The following LPAR2 variants were observed in gnomAD, a reference collection of about 807,000 sequenced individuals.
LPAR2 encodes G protein-coupled receptor.
LPAR2 carries 10 observed loss-of-function variants against 15.6 expected under a neutral mutation model. The ratio of observed to expected loss-of-function variants is 0.64; its 90% CI spans 0.39 to 1.09. The LOEUF (loss-of-function observed/expected upper bound fraction) is 1.09, where lower values mean the gene tolerates loss of function less well. Among genes scored for constraint, LPAR2 ranks in the 50% least tolerant of loss-of-function variants. The pLI is 0.01. For synonymous variants in LPAR2, 204 were observed against 207.4 expected (o/e 0.98, Z 0.14); for missense variants, 413 against 484.6 (o/e 0.85, Z 1.39).
Position 19,624,417 on chromosome 19 carries a change from C to G in LPAR2, c.895G>C (p.Asp299His). The G allele has an allele frequency of 6.2e-7, 1 of 1,614,198 alleles. No individual in the cohort carries two copies. Among genetic ancestry groups the G allele is most frequent in the Non-Finnish European group, 8.5e-7 (1 of 1,180,048 alleles). Reference sequence around the variant, plus strand: ...CGGAAGGTGCGGCGCATCTCAGCATCTCGGCAAGAGTACACAGCAGCATTG... The same window carrying G: ...CGGAAGGTGCGGCGCATCTCAGCATGTCGGCAAGAGTACACAGCAGCATTG... The change falls in exon 3 of 3, where the codon GAT becomes CAT. Residue 299 changes from aspartate to histidine, a missense_variant. Coordinates refer to ENST00000407877, the MANE Select transcript of LPAR2 (RefSeq NM_004720.7).
At chr19:19,625,653 C>T (rs1199649922) in intron 2 of LPAR2, among the ~76,000 whole-genome samples, 5 of 150,706 alleles carry the variant, frequency 3.3e-5, no homozygotes, top group African/African-American at 7.3e-5. Context: ...CATAGTGGCA[C>T]GCACCTGTAG....
At position 19,627,616 on chromosome 19, in the gene LPAR2, T is replaced by C. The variant is rs544768370; in HGVS notation, c.1-332A>G. On this transcript the variant is annotated intron_variant, in intron 1 of 2. Transcript: ENST00000407877. This position sits in a 1 kb window ranked among gnomAD's most constrained non-coding sequence, Gnocchi z 4.7. ...CCGCCAATGTGTGACCCGGTTTGGG[T>C]TGTGGGGAGAGGAGGGTTAGGGAAA... 4.2e-5 allele frequency: 14 copies of C among 336,898 alleles called. No homozygotes were observed. Among genetic ancestry groups the C allele is most frequent in the African/African-American group, 1.9e-4 (9 of 46,820 alleles). 20.9% of individuals were successfully genotyped at this position (336,898 alleles called of 1,614,324 possible).
rs2061744987 is a variant in LPAR2 at position 19,627,065 on chromosome 19, G to A, written c.220C>T (p.Leu74=). 6.2e-7 allele frequency: 1 copy of A among 1,613,594 alleles called. No individual in the cohort carries two copies. Among genetic ancestry groups the A allele is most frequent in the Non-Finnish European group, 8.5e-7 (1 of 1,179,956 alleles). Residue 74 remains leucine (L), a synonymous_variant, in exon 2 of 3, where the codon CTG becomes TTG. Transcript: ENST00000407877. This position sits in a 1 kb window ranked among gnomAD's most constrained non-coding sequence, Gnocchi z 4.7. ...CCCGCGAAGAGGTCAGCCGCGGCCA[G>A]ATTGCCGAGCAGGTAGTAGATGGGC...
At position 19,626,728 on chromosome 19, in the gene LPAR2, CTGAGCAGGGGTGCCATGCG is replaced by C. The variant is rs1337034300; in HGVS notation, c.538_556del (p.Arg180AlafsTer81). On this transcript the variant is annotated frameshift_variant, in exon 2 of 3. Coordinates refer to ENST00000407877, the MANE Select transcript of LPAR2 (RefSeq NM_004720.7). LOFTEE classifies it high-confidence loss of function. This position sits in a 1 kb window ranked among gnomAD's most constrained non-coding sequence, Gnocchi z 5.3. ...AGCCCAGACGGCCAAATAGGAGCGGCTGAGCAGGGGTGCCATGCGTGAGCAGCGGTCCAGGGCACAGAGG... is the reference window on the plus strand; with the variant it reads ...AGCCCAGACGGCCAAATAGGAGCGGCTGAGCAGCGGTCCAGGGCACAGAGG... 1 of 1,613,530 alleles carries C rather than the reference CTGAGCAGGGGTGCCATGCG, an allele frequency of 6.2e-7. No homozygotes were observed. The highest frequency in any genetic ancestry group is 1.7e-5 in the Admixed American group (1 of 60,024).
Position 19,626,764 on chromosome 19 carries a change from G to A in LPAR2, c.521C>T (p.Ala174Val), listed in dbSNP as rs1301816596. The change falls in exon 2 of 3, where the codon GCC (alanine) becomes GTC (valine). Residue 174 changes from alanine (A) to valine (V), a missense_variant. Coordinates refer to ENST00000407877, the MANE Select transcript of LPAR2 (RefSeq NM_004720.7). The surrounding 1 kb of genome is among the most constrained non-coding windows in gnomAD (Gnocchi z 5.3). ...TGCCATGCGTGAGCAGCGGTCCAGGGCACAGAGGCAGTGCCAGGAGTGGGC... is the reference window on the plus strand; with the variant it reads ...TGCCATGCGTGAGCAGCGGTCCAGGACACAGAGGCAGTGCCAGGAGTGGGC... 1.2e-6 allele frequency: 2 copies of A among 1,610,940 alleles called. No homozygotes were observed.
rs1157932209 is a variant in LPAR2, at chr19:19,627,648, G to A, written c.1-364C>T. 1 of 294,882 alleles carries A rather than the reference G, an allele frequency of 3.4e-6. No homozygotes were observed. The highest frequency in any genetic ancestry group is 6.6e-6 in the Non-Finnish European group (1 of 151,902). 18.3% of individuals were successfully genotyped at this position (294,882 alleles called of 1,614,324 possible). On this transcript the variant is annotated intron_variant, in intron 1 of 2. Coordinates refer to ENST00000407877, the MANE Select transcript of LPAR2 (RefSeq NM_004720.7). This position sits in a 1 kb window ranked among gnomAD's most constrained non-coding sequence, Gnocchi z 4.7. ...GAGAGGAGGGTTAGGGAAAGACAAA[G>A]GGGTGTGAGCTGCGGGAAGAGATGA...
intron 2 of LPAR2, among the ~76,000 whole-genome samples, chr19:19,624,851 G>A (rs1327302455): frequency 6.7e-6 from 1 of 150,268 alleles, no homozygotes; most frequent in Non-Finnish European, 1.5e-5. Context: ...GTCTCGCTCT[G>A]TCGCCAGGCT....
chr19:19,624,846 G>A (rs1306100285), intron 2 of LPAR2, among the ~76,000 whole-genome samples: 6 of 145,690 alleles, frequency 4.1e-5, no homozygotes, highest in East Asian at 2.2e-4. Context: ...ATGGAGTCTC[G>A]CTCTGTCGCC....
intron 2 of LPAR2, among the ~76,000 whole-genome samples, chr19:19,624,892 C>T (rs2061732571): frequency 6.6e-6 from 1 of 151,718 alleles, no homozygotes; most frequent in East Asian, 1.9e-4. Flanking sequence ...TGGCTTGCTG[C>T]AACCTCTGCC....
chr19:19,624,395 A>G lies in LPAR2; in HGVS notation c.917T>C (p.Phe306Ser). 6.2e-7 allele frequency: 1 copy of G among 1,614,188 alleles called. No homozygotes were observed. The highest frequency in any genetic ancestry group is 8.5e-7 in the Non-Finnish European group (1 of 1,180,034). Reference sequence around the variant, plus strand: ...GCACGCGCAGCAGAGAAGGCGGCGGAAGGTGCGGCGCATCTCAGCATCTCG... The same window carrying G: ...GCACGCGCAGCAGAGAAGGCGGCGGGAGGTGCGGCGCATCTCAGCATCTCG... The change falls in exon 3 of 3, where the codon TTC becomes TCC. Residue 306 changes from phenylalanine to serine, a missense_variant. Transcript: ENST00000407877.
Position 19,624,514 on chromosome 19 carries a change from TA to T in LPAR2, c.797del (p.Leu266Ter), listed in dbSNP as rs758694432. The T allele has an allele frequency of 5.0e-6, 8 of 1,613,784 alleles. No homozygotes were observed. Among genetic ancestry groups the T allele is most frequent in the Middle Eastern group, 1.7e-4 (1 of 6,058 alleles). On this transcript the variant is annotated frameshift_variant, in exon 3 of 3. Transcript: ENST00000407877. LOFTEE classifies it low-confidence loss of function (END_TRUNC). ...CCAGGACATTGCAGGACTCACAGCCTAAACCATCCAGGAGCAGTACCACCTG... is the reference window on the plus strand; with the variant it reads ...CCAGGACATTGCAGGACTCACAGCCTAACCATCCAGGAGCAGTACCACCTG...
In LPAR2 at chr19:19,627,695, G is replaced by A. The variant is rs1599394799; in HGVS notation, c.-1+397C>T. On this transcript the variant is annotated intron_variant, in intron 1 of 2. Transcript: ENST00000407877. This position sits in a 1 kb window ranked among gnomAD's most constrained non-coding sequence, Gnocchi z 4.7. ...ATGAGGGAGGATCACTTTGGTGCCG[G>A]AGTCAGTGTAGGGAGCAGAGACCCG... 3 of 240,338 alleles carry A rather than the reference G, an allele frequency of 1.2e-5. No individual in the cohort carries two copies. Among genetic ancestry groups the A allele is most frequent in the African/African-American group, 2.3e-5 (1 of 44,038 alleles). 14.9% of individuals were successfully genotyped at this position (240,338 alleles called of 1,614,324 possible).
chr19:19,624,419 C>T lies in LPAR2; in HGVS notation c.893G>A (p.Arg298Gln), dbSNP rs199802494. 278 of 1,614,158 alleles carry T rather than the reference C, an allele frequency of 1.7e-4. 1 individual carries two copies. Among genetic ancestry groups the T allele is most frequent in the Non-Finnish European group, 2.2e-4 (255 of 1,180,032 alleles). The change falls in exon 3 of 3, where the codon CGA becomes CAA. Residue 298 changes from arginine to glutamine, a missense_variant. Coordinates refer to ENST00000407877, the MANE Select transcript of LPAR2 (RefSeq NM_004720.7). ...GAAGGTGCGGCGCATCTCAGCATCT[C>T]GGCAAGAGTACACAGCAGCATTGAC...
rs2061754763 is a variant in LPAR2, at chr19:19,628,196, T to G, written c.-105A>C. 2 of 151,898 alleles carry G rather than the reference T, an allele frequency of 1.3e-5. No individual in the cohort carries two copies. The highest frequency in any genetic ancestry group is 6.5e-5 in the Admixed American group (1 of 15,272). 9.4% of individuals were successfully genotyped at this position (151,898 alleles called of 1,614,324 possible). A position where few individuals can be genotyped will look rare whatever the true frequency, so the allele number is the denominator to read the frequency against. The stretch of plus-strand genomic sequence containing the variant: ...CGGCGGGAGCGGTAGAGCGTCCGGG[T>G]GCGCCCTGTGCGGGTTGCTGAGAGG... On this transcript the variant is annotated 5_prime_UTR_variant, in exon 1 of 3. Transcript: ENST00000407877.
chr19:19,624,242 G>A lies in LPAR2; in HGVS notation c.*14C>T, dbSNP rs756805876. 2 of 1,593,330 alleles carry A rather than the reference G, an allele frequency of 1.3e-6. No individual in the cohort carries two copies. The highest frequency in any genetic ancestry group is 1.1e-5 in the South Asian group (1 of 89,404). On this transcript the variant is annotated 3_prime_UTR_variant, in exon 3 of 3. Coordinates refer to ENST00000407877, the MANE Select transcript of LPAR2 (RefSeq NM_004720.7). ...GATTTGTTGCTTGCCGCGTACCGCT[G>A]AAGTTCAAGGTAGCTAAAGGGTGGA...
chr19:19,627,288 G>A lies in LPAR2; in HGVS notation c.1-4C>T, dbSNP rs139102507. 24,206 of 1,597,122 alleles carry A rather than the reference G, an allele frequency of 0.015. 695 individuals carry two copies. The highest frequency in any genetic ancestry group is 0.081 in the Admixed American group (4,875 of 59,850). Reference sequence around the variant, plus strand: ...AGCACTGGCCCATGATGACCATCTGGGGACACAAGAGATCAGTGCATGTGG... The same window carrying A: ...AGCACTGGCCCATGATGACCATCTGAGGACACAAGAGATCAGTGCATGTGG... On this transcript the variant is annotated splice_region_variant and splice_polypyrimidine_tract_variant and intron_variant, in intron 1 of 2. Transcript: ENST00000407877. The surrounding 1 kb of genome is among the most constrained non-coding windows in gnomAD (Gnocchi z 4.7).
In LPAR2 at chr19:19,624,098, G is replaced by A; in HGVS notation, c.*158C>T. On this transcript the variant is annotated 3_prime_UTR_variant, in exon 3 of 3. Coordinates refer to ENST00000407877, the MANE Select transcript of LPAR2 (RefSeq NM_004720.7). ...CCAAAGCCCCCATTCCCTGGGCAGA[G>A]TGGTGTGCCTGGGGAGGCCTGGCAG... 1.4e-6 allele frequency: 1 copy of A among 730,866 alleles called. No homozygotes were observed. The highest frequency in any genetic ancestry group is 1.7e-5 in the South Asian group (1 of 58,020). The allele number at this position is 730,866 out of a possible 1,614,324, so 45.3% of individuals were successfully genotyped here. A position where few individuals can be genotyped will look rare whatever the true frequency, so the allele number is the denominator to read the frequency against.
rs1480417887 is a variant in LPAR2, at chr19:19,627,053, C to G, written c.232G>C (p.Asp78His). ...AGGTAGGCCACGCCCGCGAAGAGGT[C>G]AGCCGCGGCCAGATTGCCGAGCAGG... Residue 78 changes from aspartate to histidine, a missense_variant, in exon 2 of 3, where the codon GAC (aspartate) becomes CAC (histidine). Transcript: ENST00000407877. The surrounding 1 kb of genome is among the most constrained non-coding windows in gnomAD (Gnocchi z 4.7). 1 of 1,613,638 alleles carries G rather than the reference C, an allele frequency of 6.2e-7. No homozygotes were observed. Among genetic ancestry groups the G allele is most frequent in the Non-Finnish European group, 8.5e-7 (1 of 1,179,942 alleles).
At chr19:19,624,789 T>TTGTGTGTGTGTG (rs142248281) in intron 2 of LPAR2, among the ~76,000 whole-genome samples, 39 of 143,794 alleles carry the variant, frequency 2.7e-4, no homozygotes, top group Admixed American at 1.3e-3. Flanking sequence ...ACTGGACATT[T>TTGTGTGTGTGTG]TGTGTGTGTG....
Sources: allele counts gnomAD v4.1 joint callset (sites outside exome capture counted in the v4.1 genomes callset), GRCh38; gene constraint gnomAD v4.1.1; non-coding constraint Gnocchi (gnomAD v3.1); transcripts MANE v1.5; gene names NCBI Gene and HGNC (gene_info 2026-07-23, HGNC 2026-07-21).